The following EPM2A variants were observed in gnomAD, a reference collection of about 807,000 sequenced individuals.
The protein encoded by EPM2A is laforin.
In EPM2A, 21 loss-of-function variants were observed where a neutral mutation model predicts 26.5. The ratio of observed to expected loss-of-function variants is 0.79; its 90% CI spans 0.56 to 1.14. EPM2A has a LOEUF of 1.14. Among genes scored for constraint, EPM2A ranks in the 50% most tolerant of loss-of-function variants. The pLI, the probability that EPM2A is intolerant of heterozygous loss-of-function variation, is 0.00. For synonymous variants in EPM2A, 217 were observed against 177.6 expected (o/e 1.22, Z -1.76); for missense variants, 458 against 440.8 (o/e 1.04, Z -0.35).
At chr6:145,704,608 G>C (rs899475814) in intron 1 of EPM2A, among the ~76,000 whole-genome samples, 2 of 152,186 alleles carry the variant, frequency 1.3e-5, no homozygotes, top group Non-Finnish European at 2.9e-5. Context: ...AGCAAAGCAA[G>C]GACTGAAGCC....
At chr6:145,547,941 A>G (rs1177698209) in intron 2 of EPM2A, among the ~76,000 whole-genome samples, 1 of 152,036 alleles carries the variant, frequency 6.6e-6, no homozygotes, top group Non-Finnish European at 1.5e-5. Flanking sequence ...GAAAACACTT[A>G]TTTTATAAAT....
intron 4 of EPM2A, among the ~76,000 whole-genome samples, chr6:145,472,242 C>T (rs1779483179): frequency 6.6e-6 from 1 of 151,576 alleles, no homozygotes; most frequent in Non-Finnish European, 1.5e-5. Flanking sequence ...ACCCCTGGGC[C>T]CTGAGTAACC....
At chr6:145,619,047 A>G (rs541582598) in intron 2 of EPM2A, among the ~76,000 whole-genome samples, 1 of 152,204 alleles carries the variant, frequency 6.6e-6, no homozygotes, top group South Asian at 2.1e-4. Context: ...AATGGTTAGG[A>G]GGGTGGTAAA....
At chr6:145,426,694 A>G (rs1778858286) in intron 4 of EPM2A, among the ~76,000 whole-genome samples, 5 of 152,202 alleles carry the variant, frequency 3.3e-5, no homozygotes, top group Admixed American at 3.3e-4. Context: ...TAAGCATAAA[A>G]CTGTAAAACT....
intron 4 of EPM2A, among the ~76,000 whole-genome samples, chr6:145,442,431 G>A (rs1267973443): frequency 1.3e-5 from 2 of 152,142 alleles, no homozygotes; most frequent in Admixed American, 1.3e-4. Flanking sequence ...CATGGTGGAA[G>A]GTGCAAAGCA....
intron 2 of EPM2A, among the ~76,000 whole-genome samples, chr6:145,613,831 G>A (rs1365498040): frequency 5.3e-5 from 8 of 152,162 alleles, no homozygotes; most frequent in African/African-American, 1.9e-4. Context: ...TAGAGCACAG[G>A]CAGATAAGAT....
chr6:145,526,057 G>A (rs1228665401), intron 2 of EPM2A, among the ~76,000 whole-genome samples: 2 of 151,914 alleles, frequency 1.3e-5, no homozygotes, highest in African/African-American at 4.8e-5. Context: ...TGATCATATG[G>A]GTTTTGTTTT....
intron 4 of EPM2A, among the ~76,000 whole-genome samples, chr6:145,487,832 T>C (rs886377573): frequency 4.6e-5 from 7 of 152,188 alleles, no homozygotes; most frequent in Non-Finnish European, 8.8e-5. Flanking sequence ...GTAGATTCCA[T>C]TTGTCAATTT....
intron 4 of EPM2A, among the ~76,000 whole-genome samples, chr6:145,410,157 C>T (rs959489903): frequency 4.6e-5 from 7 of 152,148 alleles, no homozygotes; most frequent in Admixed American, 2.0e-4. Flanking sequence ...TAATGAGAGA[C>T]GGTGTTGCAA....
chr6:145,432,649 A>C (rs1176091737), intron 4 of EPM2A, among the ~76,000 whole-genome samples: 1 of 152,106 alleles, frequency 6.6e-6, no homozygotes, highest in Non-Finnish European at 1.5e-5. Context: ...AAGAGCCCTA[A>C]AAGTTTTAGA....
intron 4 of EPM2A, among the ~76,000 whole-genome samples, chr6:145,478,008 T>C (rs621382): frequency 0.35 from 52,767 of 151,540 alleles, 9,931 homozygotes; most frequent in South Asian, 0.49. Context: ...TTGCTGATGA[T>C]GTAAACTTAC....
chr6:145,735,719 C>T (rs1776844392), upstream of EPM2A: 8 of 883,230 alleles, frequency 9.1e-6, no homozygotes, highest in Non-Finnish European at 9.7e-6. Flanking sequence ...CGCTAGCTGC[C>T]TCTTTGTGCC....
At chr6:145,681,802 T>C (rs1780558404) in intron 2 of EPM2A, among the ~76,000 whole-genome samples, 1 of 152,190 alleles carries the variant, frequency 6.6e-6, no homozygotes, top group Non-Finnish European at 1.5e-5. Flanking sequence ...TCAGCTTATA[T>C]ATGCATCTGA....
chr6:145,723,294 A>G (rs1776035334), intron 1 of EPM2A, among the ~76,000 whole-genome samples: 1 of 152,152 alleles, frequency 6.6e-6, no homozygotes, highest in Non-Finnish European at 1.5e-5. Flanking sequence ...CCAGAGTATC[A>G]CTGAGTGGGG....
downstream of EPM2A, among the ~76,000 whole-genome samples, chr6:145,621,316 C>G (rs182333571): frequency 3.7e-3 from 567 of 152,234 alleles, 20 homozygotes; most frequent in Admixed American, 0.037. Flanking sequence ...TTTATATATC[C>G]ACCACATTGT....
chr6:145,445,039 T>C (rs1346091108), intron 4 of EPM2A, among the ~76,000 whole-genome samples: 1 of 152,166 alleles, frequency 6.6e-6, no homozygotes, highest in Non-Finnish European at 1.5e-5. Flanking sequence ...TTTCCCAGTG[T>C]TTACTAAGGT....
chr6:145,659,090 A>G (rs190063452), intron 2 of EPM2A, among the ~76,000 whole-genome samples: 105 of 152,326 alleles, frequency 6.9e-4, no homozygotes, highest in African/African-American at 2.4e-3. Context: ...CCTAGAAGCT[A>G]TTACTATGTC....
rs1319442135 is a variant in EPM2A, at chr6:145,666,311, A to G, written c.476+19811T>C. On this transcript the variant is annotated intron_variant, in intron 2 of 3. Transcript: ENST00000367519. ...CCTTAAGCTGATAAGCAACTTCAGC[A>G]AAGTCTCAGGATACAAAATCAATGT... 3.7e-3 allele frequency among the ~76,000 whole-genome samples: 376 copies of G among 100,452 alleles called. 3 individuals carry two copies. Among genetic ancestry groups the G allele is most frequent in the Non-Finnish European group, 2.1e-3 (114 of 54,552 alleles). The allele number at this position is 100,452 out of a possible 152,430, so 65.9% of individuals were successfully genotyped here.
chr6:145,414,622 C>T (rs1356840174), intron 4 of EPM2A, among the ~76,000 whole-genome samples: 1 of 152,044 alleles, frequency 6.6e-6, no homozygotes, highest in African/African-American at 2.4e-5. Context: ...AGTCTTCAGG[C>T]AAAACTAAGG....
Sources: gnomAD v4.1 joint callset for allele counts (sites outside exome capture counted in the v4.1 genomes callset) on GRCh38, gnomAD v4.1.1 for gene constraint, MANE v1.5 for transcripts, NCBI Gene and HGNC (gene_info 2026-07-23, HGNC 2026-07-21) for gene names.